UMAD1: variants seen among roughly 807,000 people sequenced by gnomAD.
The protein encoded by UMAD1 is UBAP1-MVB12-associated (UMA)-domain containing protein 1.
UMAD1 carries 8 observed loss-of-function variants against 6.1 expected under a neutral mutation model. The observed-to-expected ratio is 1.30, with a 90% CI of 0.76 to 2.35. The LOEUF is 2.35. Ranked by LOEUF, UMAD1 falls within the 30% of genes most tolerant of loss-of-function variation. The probability of loss-of-function intolerance (pLI) is 0.00; values close to 1 mark genes in which losing one functional copy is unlikely to be tolerated. For synonymous variants in UMAD1, 56 were observed against 31.4 expected, an observed-to-expected ratio of 1.78 and a Z score of -2.61; for missense variants, 130 against 78.4, an observed-to-expected ratio of 1.66 and a Z score of -2.49.
chr7:7,644,660 A>C (rs1785056103), intron 1 of UMAD1, among the ~76,000 whole-genome samples: 1 of 152,012 alleles, frequency 6.6e-6, no homozygotes, highest in Admixed American at 6.5e-5. Flanking sequence ...TTGTCACCTT[A>C]AGTTTACAGA....
intron 2 of UMAD1, among the ~76,000 whole-genome samples, chr7:7,782,266 A>C (rs1431377860): frequency 1.3e-5 from 2 of 151,960 alleles, no homozygotes; most frequent in African/African-American, 4.8e-5. Context: ...AAAATCTTTC[A>C]GTTTTCCTCT....
At chr7:7,761,821 C>T (rs1781895446) in intron 2 of UMAD1, among the ~76,000 whole-genome samples, 1 of 152,144 alleles carries the variant, frequency 6.6e-6, no homozygotes, top group Non-Finnish European at 1.5e-5. Context: ...GAATGTTGAC[C>T]AGTTCCTCTT....
At chr7:7,810,277 T>C (rs1204805998) in intron 3 of UMAD1, among the ~76,000 whole-genome samples, 1 of 152,100 alleles carries the variant, frequency 6.6e-6, no homozygotes, top group Non-Finnish European at 1.5e-5. Flanking sequence ...GGTACAACTA[T>C]TCTTGGAGAG....
At chr7:7,829,292 A>G (rs1783414356) in intron 3 of UMAD1, among the ~76,000 whole-genome samples, 1 of 152,238 alleles carries the variant, frequency 6.6e-6, no homozygotes, top group Non-Finnish European at 1.5e-5. Context: ...CTGAACAGCT[A>G]GTCCAGTGCT....
intron 2 of UMAD1, among the ~76,000 whole-genome samples, chr7:7,719,426 G>C (rs1282487099): frequency 6.6e-6 from 1 of 152,228 alleles, no homozygotes; most frequent in Non-Finnish European, 1.5e-5. Context: ...AAGCCCACAT[G>C]AGAGTGTAGT....
intron 2 of UMAD1, among the ~76,000 whole-genome samples, chr7:7,695,281 C>T (rs1430997323): frequency 6.6e-6 from 1 of 152,126 alleles, no homozygotes; most frequent in African/African-American, 2.4e-5. Flanking sequence ...CAACATTTTC[C>T]CCACCACAGT....
At chr7:7,652,048 A>C (rs1490038946) in intron 1 of UMAD1, among the ~76,000 whole-genome samples, 2 of 152,150 alleles carry the variant, frequency 1.3e-5, no homozygotes, top group Admixed American at 1.3e-4. Context: ...GAGGAAATCT[A>C]GTCCTGTAAG....
intron 1 of UMAD1, among the ~76,000 whole-genome samples, chr7:7,663,182 T>TAA (rs35538283): frequency 0.65 from 93,042 of 144,112 alleles, 30,187 homozygotes; most frequent in East Asian, 0.86. Context: ...TTCATTCCAT[T>TAA]AAAAAAAAAA....
intron 1 of UMAD1, among the ~76,000 whole-genome samples, chr7:7,651,970 C>T (rs985447853): frequency 1.1e-4 from 17 of 152,146 alleles, no homozygotes; most frequent in African/African-American, 3.6e-4. Context: ...CCCTCTCTCC[C>T]CTTGCAAGAG....
At chr7:7,847,470 T>A (rs142759560) in intron 3 of UMAD1, among the ~76,000 whole-genome samples, 138 of 152,102 alleles carry the variant, frequency 9.1e-4, no homozygotes, top group Admixed American at 1.3e-3. Context: ...TGACATTGTC[T>A]CCTTTCCTCC....
At chr7:7,814,008 G>C (rs995976871) in intron 3 of UMAD1, among the ~76,000 whole-genome samples, 2 of 150,312 alleles carry the variant, frequency 1.3e-5, no homozygotes, top group African/African-American at 4.9e-5. Context: ...TTTTTGAGAC[G>C]GAGTCTCGCT....
chr7:7,824,077 C>T (rs939753587), intron 3 of UMAD1, among the ~76,000 whole-genome samples: 2 of 152,050 alleles, frequency 1.3e-5, no homozygotes, highest in African/African-American at 2.4e-5. Context: ...TGATTTTTAA[C>T]CTTCCTTTCC....
At chr7:7,812,866 T>C (rs73357493) in intron 3 of UMAD1, among the ~76,000 whole-genome samples, 1,601 of 152,216 alleles carry the variant, frequency 0.011, 34 homozygotes, top group African/African-American at 0.037. Context: ...TGTCCTCCTT[T>C]GGTTTATATT....
At chr7:7,848,255 T>C (rs1040821137) in intron 3 of UMAD1, among the ~76,000 whole-genome samples, 7 of 152,224 alleles carry the variant, frequency 4.6e-5, no homozygotes, top group African/African-American at 1.7e-4. Context: ...ATATATATTA[T>C]GGCCAATCTG....
intron 3 of UMAD1, among the ~76,000 whole-genome samples, chr7:7,827,532 A>G (rs2115301984): frequency 6.6e-6 from 1 of 152,178 alleles, no homozygotes; most frequent in Non-Finnish European, 1.5e-5. Flanking sequence ...CATATATTTG[A>G]AGAGGAAATT....
chr7:7,798,577 T>C (rs1323585345), intron 2 of UMAD1, among the ~76,000 whole-genome samples: 1 of 152,132 alleles, frequency 6.6e-6, no homozygotes, highest in Non-Finnish European at 1.5e-5. Context: ...AAAGGAGTAA[T>C]GAAAACTGTC....
rs1028021956 is a variant in UMAD1 at position 7,844,549 on chromosome 7, T to C, written c.157-32732T>C. ...ATCACTGTGTTGGAATTGGCATTCA[T>C]TGATGTTAAGATCAAAATGACAGCT... On this transcript the variant is annotated intron_variant, in intron 3 of 3. Coordinates refer to ENST00000682710, the MANE Select transcript of UMAD1 (RefSeq NM_001302348.2). Among the ~76,000 whole-genome samples the C allele has an allele frequency of 7.9e-5, 12 of 152,196 alleles. No homozygotes were observed. The East Asian group carries it at 1.5e-3, about 19-fold the overall frequency.
At chr7:7,743,553 T>G (rs1384849299) in intron 2 of UMAD1, among the ~76,000 whole-genome samples, 1 of 152,068 alleles carries the variant, frequency 6.6e-6, no homozygotes, top group Non-Finnish European at 1.5e-5. Flanking sequence ...GTTAATACTT[T>G]CCCCTTATGT....
At chr7:7,863,728 A>G (rs1743069059) in intron 3 of UMAD1, among the ~76,000 whole-genome samples, 1 of 152,228 alleles carries the variant, frequency 6.6e-6, no homozygotes, top group Non-Finnish European at 1.5e-5. Flanking sequence ...ACAGAGAAAC[A>G]AGATACATAA....
Sources: allele counts gnomAD v4.1 joint callset (sites outside exome capture counted in the v4.1 genomes callset), GRCh38; gene constraint gnomAD v4.1.1; transcripts MANE v1.5; gene names NCBI Gene and HGNC (gene_info 2026-07-23, HGNC 2026-07-21).